Variants in GRB2 observed in about 807,000 individuals in gnomAD.
GRB2 encodes the protein growth factor receptor bound protein 2.
A neutral mutation model predicts 27.4 loss-of-function variants in GRB2; 2 were observed. The ratio of observed to expected loss-of-function variants is 0.07; its 90% CI spans 0.03 to 0.23. GRB2 has a LOEUF of 0.23. Among genes scored for constraint, GRB2 ranks in the 10% least tolerant of loss-of-function variants. The pLI is 1.00. For missense variants in GRB2, 102 were observed against 282.4 expected, an observed-to-expected ratio of 0.36 and a Z score of 4.58; for synonymous variants, 94 against 99.6, an observed-to-expected ratio of 0.94 and a Z score of 0.33.
chr17:75,351,526 C>T (rs1399345189), intron 2 of GRB2, among the ~76,000 whole-genome samples: 1 of 151,846 alleles, frequency 6.6e-6, no homozygotes, highest in African/African-American at 2.4e-5. Context: ...TAGTGGTGTG[C>T]GGCTGTAGTC....
intron 2 of GRB2, among the ~76,000 whole-genome samples, chr17:75,348,696 A>T (rs2078669737): frequency 6.6e-6 from 1 of 152,170 alleles, no homozygotes; most frequent in South Asian, 2.1e-4. Flanking sequence ...AGTTTTAGAG[A>T]CAGGGTCTTA....
chr17:75,334,048 T>C (rs181705918), intron 2 of GRB2, among the ~76,000 whole-genome samples: 72 of 152,324 alleles, frequency 4.7e-4, no homozygotes, highest in Admixed American at 3.9e-3. Context: ...CTCCTTATCA[T>C]GATGGATACG....
intron 2 of GRB2, among the ~76,000 whole-genome samples, chr17:75,334,233 C>T (rs1356020767): frequency 3.3e-5 from 5 of 152,068 alleles, no homozygotes; most frequent in Middle Eastern, 3.4e-3. Context: ...TGCAGTGGCG[C>T]GATCTCGGCT....
chr17:75,388,382 C>G (rs902498992), intron 2 of GRB2, among the ~76,000 whole-genome samples: 1 of 152,008 alleles, frequency 6.6e-6, no homozygotes, highest in Non-Finnish European at 1.5e-5. Flanking sequence ...GGGATTCAGG[C>G]GTGAGCCACC....
intron 2 of GRB2, among the ~76,000 whole-genome samples, chr17:75,377,583 G>A (rs908882053): frequency 6.8e-5 from 9 of 133,146 alleles, no homozygotes; most frequent in African/African-American, 2.0e-4. Flanking sequence ...GCAACAGAGC[G>A]AGACCCTGTC....
chr17:75,328,535 G>A (rs2078516055), intron 3 of GRB2, among the ~76,000 whole-genome samples: 1 of 152,138 alleles, frequency 6.6e-6, no homozygotes, highest in African/African-American at 2.4e-5. Flanking sequence ...AGCTACTCGG[G>A]AGGCTGAGGC....
intron 3 of GRB2, chr17:75,326,271 G>C: frequency 2.0e-6 from 1 of 495,540 alleles, no homozygotes; most frequent in Non-Finnish European, 3.7e-6. Flanking sequence ...TCTTTCTATA[G>C]AGGGAGACAT....
At chr17:75,376,375 A>C (rs7221326) in intron 2 of GRB2, among the ~76,000 whole-genome samples, 95,757 of 146,146 alleles carry the variant, frequency 0.66, 36,293 homozygotes, top group East Asian at 0.91. Context: ...AAATTTTTTA[A>C]CCCGACCTGG....
At position 75,343,049 on chromosome 17, in the gene GRB2, C is replaced by CAAA. The variant is rs56264803; in HGVS notation, c.79-10255_79-10253dup. 3.4e-5 allele frequency among the ~76,000 whole-genome samples: 2 copies of CAAA among 58,574 alleles called. 1 individual carries two copies. Among genetic ancestry groups the CAAA allele is most frequent in the Non-Finnish European group, 5.9e-5 (2 of 33,846 alleles). 38.4% of individuals were successfully genotyped at this position (58,574 alleles called of 152,430 possible). On this transcript the variant is annotated intron_variant, in intron 2 of 5. Transcript: ENST00000316804. ...TGGGTGACAGAGAGAAACCTTGTCT[C>CAAA]AAAAAAAAAAAAAAGGTATAAGATT...
chr17:75,358,710 A>G (rs1294804700), intron 2 of GRB2, among the ~76,000 whole-genome samples: 1 of 144,102 alleles, frequency 6.9e-6, no homozygotes, highest in African/African-American at 2.6e-5. Flanking sequence ...TAAAAAAAAA[A>G]AAAAAAAAAA....
intron 4 of GRB2, among the ~76,000 whole-genome samples, chr17:75,323,249 C>T (rs2078472851): frequency 6.6e-6 from 1 of 151,954 alleles, no homozygotes; most frequent in South Asian, 2.1e-4. Flanking sequence ...CGGCAGGTGG[C>T]AGCACTGAGC....
intron 2 of GRB2, among the ~76,000 whole-genome samples, chr17:75,355,650 G>A (rs1189548097): frequency 1.4e-5 from 2 of 147,906 alleles, no homozygotes; most frequent in African/African-American, 5.0e-5. Context: ...AATGTTTTAA[G>A]AAAGCACAAA....
intron 2 of GRB2, among the ~76,000 whole-genome samples, chr17:75,333,680 A>G (rs1173211938): frequency 2.0e-5 from 3 of 152,152 alleles, no homozygotes; most frequent in African/African-American, 7.2e-5. Flanking sequence ...GAGGACAACC[A>G]TATGCCCTCG....
chr17:75,338,756 G>T (rs1488493988), intron 2 of GRB2: 1 of 572,860 alleles, frequency 1.7e-6, no homozygotes, highest in African/African-American at 1.9e-5. Context: ...AAGAGATGAG[G>T]AATGAGGTGA....
rs192358805 is a variant in GRB2 at position 75,367,241 on chromosome 17, G to A, written c.78+26310C>T. The stretch of plus-strand genomic sequence containing the variant: ...GCTAAAGTGCTGTAGCGTGATTATG[G>A]CTCACTGCAGCCGCGACCTCCCAGA... On this transcript the variant is annotated intron_variant, in intron 2 of 5. Coordinates refer to ENST00000316804, the MANE Select transcript of GRB2 (RefSeq NM_002086.5). 3.3e-5 allele frequency among the ~76,000 whole-genome samples: 5 copies of A among 152,176 alleles called. No homozygotes were observed. In the East Asian group the frequency reaches 9.6e-4, roughly 29 times the overall value.
intron 2 of GRB2, among the ~76,000 whole-genome samples, chr17:75,376,728 C>T (rs1163373650): frequency 6.6e-6 from 1 of 151,868 alleles, no homozygotes; most frequent in African/African-American, 2.4e-5. Flanking sequence ...GGCAAGGTGG[C>T]TTACACCTGT....
chr17:75,321,169 CTTT>C (rs61287852), intron 5 of GRB2, among the ~76,000 whole-genome samples: 7 of 120,050 alleles, frequency 5.8e-5, no homozygotes, highest in African/African-American at 2.3e-4. Context: ...AACAACAAAT[CTTT>C]TTTTTTTTTT....
intron 2 of GRB2, among the ~76,000 whole-genome samples, chr17:75,374,751 A>G (rs1409614419): frequency 6.6e-6 from 1 of 152,044 alleles, no homozygotes; most frequent in Non-Finnish European, 1.5e-5. Context: ...CAATCACGCC[A>G]CTGCACTCCC....
intron 2 of GRB2, among the ~76,000 whole-genome samples, chr17:75,367,856 T>C (rs191410570): frequency 1.3e-5 from 1 of 77,484 alleles, no homozygotes; most frequent in East Asian, 1.0e-3. Context: ...ATTTCTTCTC[T>C]TAAAATACTC....
Sources: allele counts gnomAD v4.1 joint callset (sites outside exome capture counted in the v4.1 genomes callset), GRCh38; gene constraint gnomAD v4.1.1; transcripts MANE v1.5; gene names NCBI Gene and HGNC (gene_info 2026-07-23, HGNC 2026-07-21).